The following MCCC1 variants were observed in gnomAD, a reference collection of about 807,000 sequenced individuals.
The protein encoded by MCCC1 is methylcrotonoyl-CoA carboxylase subunit alpha, mitochondrial.
MCCC1 carries 64 observed loss-of-function variants against 83.8 expected under a neutral mutation model. That is an observed-to-expected ratio of 0.76 (90% CI 0.62 to 0.94). MCCC1 has a LOEUF of 0.94. MCCC1 is among the 40% of genes least tolerant of loss of function. The pLI, the probability that MCCC1 is intolerant of heterozygous loss-of-function variation, is 0.00. For synonymous variants in MCCC1, 322 were observed against 315.4 expected (o/e 1.02, Z -0.22); for missense variants, 807 against 904.7 (o/e 0.89, Z 1.39).
intron 1 of MCCC1, among the ~76,000 whole-genome samples, chr3:183,106,942 A>C (rs1560296038): frequency 6.6e-6 from 1 of 152,086 alleles, no homozygotes; most frequent in East Asian, 1.9e-4. Context: ...CAGGCTGCAG[A>C]CATGATGCCT....
chr3:183,088,200 GT>G (rs1222842137), intron 3 of MCCC1, among the ~76,000 whole-genome samples: 46 of 148,830 alleles, frequency 3.1e-4, no homozygotes, highest in East Asian at 7.8e-4. Flanking sequence ...TGTTGTTGTT[GT>G]TGTTGTGTGT....
chr3:183,107,221 A>G (rs963265165), intron 1 of MCCC1, among the ~76,000 whole-genome samples: 3 of 151,992 alleles, frequency 2.0e-5, no homozygotes, highest in Non-Finnish European at 4.4e-5. Context: ...CCTGGCCAAC[A>G]TGGTGAAACC....
chr3:183,085,593 C>T (rs1188326865), intron 4 of MCCC1, among the ~76,000 whole-genome samples: 1 of 143,330 alleles, frequency 7.0e-6, no homozygotes, highest in East Asian at 2.0e-4. Flanking sequence ...TGTGCCACTG[C>T]ACTGCAGCCT....
At chr3:183,092,635 C>T in intron 2 of MCCC1, 90 bp from the exon 3 acceptor site, 2 of 1,536,974 alleles carry the variant, frequency 1.3e-6, no homozygotes, top group Non-Finnish European at 1.8e-6. Flanking sequence ...CTGATAAGGA[C>T]TCGACTGATA....
At chr3:183,024,040 C>G (rs1397218931) in intron 15 of MCCC1, among the ~76,000 whole-genome samples, 7 of 152,084 alleles carry the variant, frequency 4.6e-5, no homozygotes, top group Admixed American at 1.3e-4. Flanking sequence ...CACCTGGGGT[C>G]GGGAGTTCGA....
Position 183,020,131 on chromosome 3 carries a change from T to C in MCCC1, c.1976A>G (p.Lys659Arg). The C allele has an allele frequency of 3.1e-6, 5 of 1,609,248 alleles. No individual in the cohort carries two copies. The highest frequency in any genetic ancestry group is 4.3e-6 in the Non-Finnish European group (5 of 1,175,624). ...PLAPMTGTIE[K>R]VFVKAGDKVK... Reference sequence around the variant, plus strand: ...ATTCTACAGATGTCATGTGATTACCTTTTCAATGGTTCCAGTCATAGGAGC... The same window carrying C: ...ATTCTACAGATGTCATGTGATTACCCTTTCAATGGTTCCAGTCATAGGAGC... The change falls in exon 17 of 19, where the codon AAG becomes AGG. Residue 659 changes from lysine (K) to arginine (R), a missense_variant and splice_region_variant. Transcript: ENST00000265594.
intron 14 of MCCC1, among the ~76,000 whole-genome samples, chr3:183,030,079 G>A (rs1227337499): frequency 2.6e-5 from 4 of 152,172 alleles, no homozygotes; most frequent in Non-Finnish European, 5.9e-5. Context: ...AGGCCGAGGT[G>A]GGCGGATAGC....
intron 15 of MCCC1, among the ~76,000 whole-genome samples, chr3:183,024,472 G>A (rs1171885527): frequency 6.6e-6 from 1 of 152,072 alleles, no homozygotes; most frequent in Non-Finnish European, 1.5e-5. Context: ...GAAATTGGCA[G>A]AGGACTCGAA....
At chr3:183,082,016 GAA>G (rs1201326732) in intron 4 of MCCC1, among the ~76,000 whole-genome samples, 1 of 152,186 alleles carries the variant, frequency 6.6e-6, no homozygotes, top group East Asian at 1.9e-4. Context: ...AGATAAAGGT[GAA>G]CAGTATGAGA....
chr3:183,032,108 A>G (rs1460911050), intron 14 of MCCC1, among the ~76,000 whole-genome samples: 1 of 152,198 alleles, frequency 6.6e-6, no homozygotes, highest in East Asian at 1.9e-4. Context: ...AATACTGCCA[A>G]AAGGGTGTAG....
Position 183,071,049 on chromosome 3 carries a change from C to T in MCCC1, c.711G>A (p.Lys237=). The change falls in exon 7 of 19, where the codon AAG becomes AAA. Residue 237 remains lysine, a synonymous_variant. Transcript: ENST00000265594. The part of the protein sequence containing the change: ...QLESARREAK[K]SFNDDAMLIE... ...TCAGCATAGCATCATCATTGAAAGA[C>T]TTCTTAGCTTCTCTCCGTGCTGACT... 1 of 1,614,198 alleles carries T rather than the reference C, an allele frequency of 6.2e-7. No homozygotes were observed. The highest frequency in any genetic ancestry group is 8.5e-7 in the Non-Finnish European group (1 of 1,180,020).
intron 10 of MCCC1, among the ~76,000 whole-genome samples, chr3:183,041,994 A>G (rs1221081976): frequency 6.6e-6 from 1 of 152,256 alleles, no homozygotes; most frequent in African/African-American, 2.4e-5. Context: ...AAAAGCAGGC[A>G]AAGTGATGGC....
At chr3:183,112,808 C>G (rs1719521915) in intron 1 of MCCC1, among the ~76,000 whole-genome samples, 1 of 152,032 alleles carries the variant, frequency 6.6e-6, no homozygotes, top group Non-Finnish European at 1.5e-5. Context: ...GGCGCATTGG[C>G]TCACACCTGT....
chr3:183,111,966 C>T (rs1719502421), intron 1 of MCCC1, among the ~76,000 whole-genome samples: 1 of 151,664 alleles, frequency 6.6e-6, no homozygotes, highest in Non-Finnish European at 1.5e-5. Context: ...ATTTTTGAAA[C>T]ATTGTTTTGG....
chr3:183,047,411 ACC>A (rs1714637305), intron 9 of MCCC1, among the ~76,000 whole-genome samples: 1 of 152,176 alleles, frequency 6.6e-6, no homozygotes, highest in Non-Finnish European at 1.5e-5. Context: ...AATTCTCTTT[ACC>A]CAGTACACCA....
upstream of MCCC1, among the ~76,000 whole-genome samples, chr3:183,104,345 T>G (rs1719373937): frequency 6.6e-6 from 1 of 152,122 alleles, no homozygotes; most frequent in African/African-American, 2.4e-5. Context: ...CTCGAACTCC[T>G]GACCTAAACT....
Position 183,017,265 on chromosome 3 carries a change from C to A in MCCC1, c.2049+1G>T. The A allele has an allele frequency of 6.2e-7, 1 of 1,613,406 alleles. No homozygotes were observed. Among genetic ancestry groups the A allele is most frequent in the Non-Finnish European group, 8.5e-7 (1 of 1,179,746 alleles). ...AGCAAATGAACTCATGATTTCCTTA[C>A]CTCCATCTTCATGGCGATCATAACC... On this transcript the variant is annotated splice_donor_variant, in intron 18 of 18. Transcript: ENST00000265594. LOFTEE classifies it high-confidence loss of function.
intron 13 of MCCC1, among the ~76,000 whole-genome samples, chr3:183,035,916 T>C: frequency 6.6e-6 from 1 of 151,774 alleles, no homozygotes; most frequent in Non-Finnish European, 1.5e-5. Context: ...CATGTTGGTG[T>C]GCTGCACCTA....
intron 7 of MCCC1, among the ~76,000 whole-genome samples, chr3:183,065,390 G>A (rs1396058432): frequency 1.3e-5 from 2 of 152,144 alleles, no homozygotes; most frequent in Admixed American, 6.5e-5. Context: ...TATGTGTTGT[G>A]TGTGTGATAT....
Sources: allele counts gnomAD v4.1 joint callset (sites outside exome capture counted in the v4.1 genomes callset), GRCh38; gene constraint gnomAD v4.1.1; transcripts MANE v1.5; gene names NCBI Gene and HGNC (gene_info 2026-07-23, HGNC 2026-07-21).